WFDC6: variants seen among roughly 807,000 people sequenced by gnomAD.
WFDC6 encodes the protein WAP four-disulfide core domain 6, also known as WAP four-disulfide core domain protein 6.
Under a neutral mutation model 8.2 loss-of-function variants are expected in WFDC6, and 10 were observed. The ratio of observed to expected loss-of-function variants is 1.22; its 90% confidence interval spans 0.75 to 2.07. The LOEUF is 2.07. Among genes scored for constraint, WFDC6 ranks in the 30% most tolerant of loss-of-function variants. The probability of loss-of-function intolerance (pLI) is 0.00; values close to 1 mark genes in which losing one functional copy is unlikely to be tolerated. For missense variants in WFDC6, 105 were observed against 104.9 expected, an observed-to-expected ratio of 1.00 and a Z score of 0.00; for synonymous variants, 28 against 37.0, an observed-to-expected ratio of 0.76 and a Z score of 0.88.
chr20:45,536,948 C>T (rs6032276), intron 2 of WFDC6: 63,150 of 155,798 alleles, frequency 0.41, 13,298 homozygotes, highest in Non-Finnish European at 0.47. Flanking sequence ...GCAACAAATG[C>T]TTAAACAATA....
At chr20:45,539,107 G>A (rs904559532) in intron 1 of WFDC6, among the ~76,000 whole-genome samples, 1 of 152,098 alleles carries the variant, frequency 6.6e-6, no homozygotes, top group African/African-American at 2.4e-5. Flanking sequence ...CTTTGGAATG[G>A]CAGCAAGGAG....
rs941666004 is a variant in WFDC6, at chr20:45,535,016, C to T, written c.223-511G>A. ...ATCCCTCCCTTCCCACCCTCTTTCC[C>T]AAAATATCCTTCTACTTATACTTCT... On this transcript the variant is annotated intron_variant, in intron 2 of 2. Coordinates refer to ENST00000372670, the MANE Select transcript of WFDC6 (RefSeq NM_080827.2). The T allele has an allele frequency of 3.5e-5, 30 of 856,150 alleles. No homozygotes were observed. In the African/African-American group the frequency reaches 5.4e-4, roughly 15 times the overall value. The allele number at this position is 856,150 out of a possible 1,614,324, so 53.0% of individuals were successfully genotyped here. A position where few individuals can be genotyped will look rare whatever the true frequency, so the allele number is the denominator to read the frequency against.
intron 1 of WFDC6, among the ~76,000 whole-genome samples, chr20:45,538,312 C>G (rs563698578): frequency 1.3e-5 from 2 of 152,318 alleles, no homozygotes; most frequent in African/African-American, 2.4e-5. Flanking sequence ...ACCCCTACCC[C>G]CTACCCGCAC....
chr20:45,537,622 T>C (rs1979417480), intron 2 of WFDC6: 14 of 1,476,418 alleles, frequency 9.5e-6, no homozygotes, highest in Admixed American at 2.0e-5. Context: ...TGACACAATG[T>C]TGGCATTTGA....
At chr20:45,537,824 G>A in intron 2 of WFDC6, 140 bp downstream of exon 2, 1 of 1,478,646 alleles carries the variant, frequency 6.8e-7, no homozygotes, top group East Asian at 2.3e-5. Flanking sequence ...TCCAGGACTG[G>A]CAGATTTGTG....
intron 1 of WFDC6, among the ~76,000 whole-genome samples, chr20:45,538,684 G>A (rs1979468169): frequency 6.6e-6 from 1 of 152,186 alleles, no homozygotes; most frequent in African/African-American, 2.4e-5. Flanking sequence ...CTATGGGTAA[G>A]TACTCTTAAT....
intron 1 of WFDC6, 32 bp from the exon 2 acceptor site, chr20:45,538,126 C>G (rs1166073281): frequency 1.2e-6 from 2 of 1,613,322 alleles, no homozygotes; most frequent in Non-Finnish European, 8.5e-7. Flanking sequence ...TCCCTCAAGG[C>G]CTTAAAGGAG....
Position 45,538,397 on chromosome 20 carries a change from T to A in WFDC6, c.92-303A>T, listed in dbSNP as rs1979454455. 2.0e-5 allele frequency among the ~76,000 whole-genome samples: 3 copies of A among 152,190 alleles called. No homozygotes were observed. The South Asian group carries it at 6.2e-4, about 32-fold the overall frequency. On this transcript the variant is annotated intron_variant, in intron 1 of 2. Coordinates refer to ENST00000372670, the MANE Select transcript of WFDC6 (RefSeq NM_080827.2). ...GTCACTCAGCCTTGCTGTGCTTGGT[T>A]GCTCCCCCAGGAGGTGCTGTGGCTC...
rs577341257 is a variant in WFDC6, at chr20:45,535,813, T to C, written c.223-1308A>G. 3.6e-3 allele frequency among the ~76,000 whole-genome samples: 552 copies of C among 152,336 alleles called. 9 individuals carry two copies. The highest frequency in any genetic ancestry group is 2.9e-3 in the Non-Finnish European group (194 of 68,024). On this transcript the variant is annotated intron_variant, in intron 2 of 2. Coordinates refer to ENST00000372670, the MANE Select transcript of WFDC6 (RefSeq NM_080827.2). The stretch of plus-strand genomic sequence containing the variant: ...ATCTGCTGGGCACAGGATAAAGTTC[T>C]ACCAAACCCAGAGGGACTTCAGAAT...
chr20:45,539,212 G>A (rs1979489679), intron 1 of WFDC6, 105 bp downstream of exon 1: 1 of 1,119,118 alleles, frequency 8.9e-7, no homozygotes, highest in South Asian at 1.4e-5. Context: ...GGAATTCCAG[G>A]CAGAGGTGGA....
chr20:45,535,187 A>T, intron 2 of WFDC6: 1 of 1,304,208 alleles, frequency 7.7e-7, no homozygotes. Flanking sequence ...GACCAGACAG[A>T]TAGCTTCAGT....
Position 45,535,540 on chromosome 20 carries a change from C to G in WFDC6, c.223-1035G>C, listed in dbSNP as rs375966208. On this transcript the variant is annotated intron_variant, in intron 2 of 2. Coordinates refer to ENST00000372670, the MANE Select transcript of WFDC6 (RefSeq NM_080827.2). ...TCTGTAAGATGAGAATACAAAATCC[C>G]AACCTGCTCGCCTAACAGGGCTGTT... is the stretch of plus-strand genomic sequence containing the variant. Among the ~76,000 whole-genome samples, 3 of 152,182 alleles carry G rather than the reference C, an allele frequency of 2.0e-5. No individual in the cohort carries two copies. The East Asian group carries it at 5.8e-4, about 29-fold the overall frequency.
intron 2 of WFDC6, among the ~76,000 whole-genome samples, chr20:45,536,295 C>T (rs1364542814): frequency 6.6e-6 from 1 of 151,144 alleles, no homozygotes; most frequent in African/African-American, 2.4e-5. Context: ...TGATCTTAAG[C>T]ATTTATTGAG....
In WFDC6 at chr20:45,534,369, T is replaced by G; in HGVS notation, c.*98A>C. On this transcript the variant is annotated 3_prime_UTR_variant, in exon 3 of 3. Transcript: ENST00000372670. ...TGTGTAAGCAATTCCTGGGGTTCAG[T>G]TTCTGGAACAGCCAAGGTTTGGCCC... 1.4e-6 allele frequency: 2 copies of G among 1,434,988 alleles called. No individual in the cohort carries two copies. Among genetic ancestry groups the G allele is most frequent in the Non-Finnish European group, 2.0e-6 (2 of 1,017,478 alleles). The allele number at this position is 1,434,988 out of a possible 1,614,324, so 88.9% of individuals were successfully genotyped here. A position where few individuals can be genotyped will look rare whatever the true frequency, so the allele number is the denominator to read the frequency against.
chr20:45,539,478 C>T lies in WFDC6; in HGVS notation c.-71G>A. On this transcript the variant is annotated 5_prime_UTR_variant, in exon 1 of 3. The change creates a new upstream start codon in the 5' untranslated region. Transcript: ENST00000372670. ...CTCCTCAGCAGCTCCTACATCTGCACTTTGCCTGCCCCGGTGTGGCCCAGC... is the reference window on the plus strand; with the variant it reads ...CTCCTCAGCAGCTCCTACATCTGCATTTTGCCTGCCCCGGTGTGGCCCAGC... 2 of 1,426,482 alleles carry T rather than the reference C, an allele frequency of 1.4e-6. No homozygotes were observed. Among genetic ancestry groups the T allele is most frequent in the Non-Finnish European group, 2.0e-6 (2 of 1,011,878 alleles). The allele number at this position is 1,426,482 out of a possible 1,614,324, so 88.4% of individuals were successfully genotyped here.
intron 1 of WFDC6, 87 bp downstream of exon 1, chr20:45,539,228 TAA>T: frequency 7.5e-7 from 1 of 1,339,886 alleles, no homozygotes; most frequent in Non-Finnish European, 1.1e-6. Flanking sequence ...GTGGAGAAAA[TAA>T]TTTCTCAGCT....
chr20:45,535,470 G>A lies in WFDC6; in HGVS notation c.223-965C>T. The A allele has an allele frequency of 3.1e-6, 3 of 968,438 alleles. No homozygotes were observed. The South Asian group carries it at 5.4e-5, about 18-fold the overall frequency. The allele number at this position is 968,438 out of a possible 1,614,324, so 60.0% of individuals were successfully genotyped here. Reference sequence around the variant, plus strand: ...CAGGGCTCTGTTCCCAATTCAGTGTGAACCCTGACCACTCATTTTACCTCT... The same window carrying A: ...CAGGGCTCTGTTCCCAATTCAGTGTAAACCCTGACCACTCATTTTACCTCT... On this transcript the variant is annotated intron_variant, in intron 2 of 2. Transcript: ENST00000372670.
rs760520138 is a variant in WFDC6, at chr20:45,538,000, C to T, written c.186G>A (p.Pro62=). ...RDCPENMKCC[P]FSRGKKCLDF... ...CTAAACATTTCTTTCCACGGCTGAACGGGCAACACTTCATGTTTTCTGGGC... is the reference window on the plus strand; with the variant it reads ...CTAAACATTTCTTTCCACGGCTGAATGGGCAACACTTCATGTTTTCTGGGC... Residue 62 remains proline (P), a synonymous_variant, in exon 2 of 3, where the codon CCG becomes CCA. Transcript: ENST00000372670. The T allele has an allele frequency of 8.1e-6, 13 of 1,613,848 alleles. No homozygotes were observed. The highest frequency in any genetic ancestry group is 1.6e-4 in the Middle Eastern group (1 of 6,082).
rs1304504661 is a variant in WFDC6, at chr20:45,537,288, T to A, written c.222+676A>T. ...GGCCTGAAAGGCTATTTCTTCCCAT[T>A]TTTGGTCTAAGTACTCATCTTTCAG... is the stretch of plus-strand genomic sequence containing the variant. On this transcript the variant is annotated intron_variant, in intron 2 of 2. Coordinates refer to ENST00000372670, the MANE Select transcript of WFDC6 (RefSeq NM_080827.2). The A allele has an allele frequency of 7.3e-6, 4 of 548,746 alleles. No individual in the cohort carries two copies. In the Admixed American group the frequency reaches 9.2e-5, roughly 13 times the overall value. 34.0% of individuals were successfully genotyped at this position (548,746 alleles called of 1,614,324 possible).
Sources: allele counts gnomAD v4.1 joint callset (sites outside exome capture counted in the v4.1 genomes callset), GRCh38; gene constraint gnomAD v4.1.1; transcripts MANE v1.5; gene names NCBI Gene and HGNC (gene_info 2026-07-23, HGNC 2026-07-21).